UNC13C: variants seen among roughly 807,000 people sequenced by gnomAD.
The protein encoded by UNC13C is unc-13 homolog C.
A neutral mutation model predicts 245.4 loss-of-function variants in UNC13C; 174 were observed. That is an observed-to-expected ratio of 0.71 (90% CI 0.63 to 0.80). The LOEUF is 0.80. UNC13C is among the 30% of genes least tolerant of loss of function. The pLI, the probability that UNC13C is intolerant of heterozygous loss-of-function variation, is 0.00. For synonymous variants in UNC13C, 992 were observed against 895.1 expected (o/e 1.11, Z -1.93); for missense variants, 2,829 against 2,602.9 (o/e 1.09, Z -1.89).
intron 8 of UNC13C, among the ~76,000 whole-genome samples, chr15:54,253,252 G>A (rs1171846347): frequency 6.6e-6 from 1 of 152,186 alleles, no homozygotes; most frequent in Non-Finnish European, 1.5e-5. Context: ...TCAGTCAAGT[G>A]GAATTAGACC....
chr15:53,975,927 GTGT>G (rs1893680751), upstream of UNC13C, among the ~76,000 whole-genome samples: 1 of 152,184 alleles, frequency 6.6e-6, no homozygotes, highest in Non-Finnish European at 1.5e-5. Flanking sequence ...TTCTTATCCT[GTGT>G]TGTTTAATGT....
In UNC13C at chr15:54,336,494, T is replaced by A. The variant is rs186854941; in HGVS notation, c.4585-1867T>A. On this transcript the variant is annotated intron_variant, in intron 16 of 32. Coordinates refer to ENST00000260323, the MANE Select transcript of UNC13C (RefSeq NM_001080534.3). The stretch of plus-strand genomic sequence containing the variant: ...TTAATTTTGGTCTACTTTATCATTT[T>A]TTTTTTCTAATTATGGATAATGCTC... 4.5e-3 allele frequency among the ~76,000 whole-genome samples: 692 copies of A among 152,200 alleles called. 9 individuals carry two copies. Among genetic ancestry groups the A allele is most frequent in the East Asian group, 0.029 (149 of 5,182 alleles).
chr15:54,128,644 C>A (rs2141209565), intron 2 of UNC13C, among the ~76,000 whole-genome samples: 1 of 152,290 alleles, frequency 6.6e-6, no homozygotes, highest in African/African-American at 2.4e-5. Flanking sequence ...TTTGACATTT[C>A]TCTAGTGATT....
At chr15:54,272,163 A>G (rs1419073961) in intron 10 of UNC13C, among the ~76,000 whole-genome samples, 1 of 152,132 alleles carries the variant, frequency 6.6e-6, no homozygotes, top group Admixed American at 6.5e-5. Context: ...CTAAACTCAT[A>G]ATGCTGTAGT....
intron 18 of UNC13C, among the ~76,000 whole-genome samples, chr15:54,404,808 A>T (rs75478399): frequency 6.6e-6 from 1 of 152,146 alleles, no homozygotes; most frequent in Non-Finnish European, 1.5e-5. Context: ...ATTTGTAGTT[A>T]ATGTATGAAT....
chr15:54,349,052 T>C lies in UNC13C; in HGVS notation c.4713+10563T>C, dbSNP rs1161942643. 6.0e-5 allele frequency among the ~76,000 whole-genome samples: 9 copies of C among 150,290 alleles called. No homozygotes were observed. The South Asian group carries it at 1.7e-3, about 28-fold the overall frequency. On this transcript the variant is annotated intron_variant, in intron 17 of 32. Coordinates refer to ENST00000260323, the MANE Select transcript of UNC13C (RefSeq NM_001080534.3). ...GAGTAAATATAAGCATAACTTAGAG[T>C]TAATATGTTTATAATTTGATATATA...
intron 17 of UNC13C, among the ~76,000 whole-genome samples, chr15:54,358,904 C>G (rs2039162040): frequency 6.6e-6 from 1 of 151,908 alleles, no homozygotes; most frequent in Non-Finnish European, 1.5e-5. Flanking sequence ...AACTTAGAGA[C>G]AAATGCTCCC....
chr15:54,231,585 T>A (rs1298183324), intron 4 of UNC13C, among the ~76,000 whole-genome samples: 1 of 152,104 alleles, frequency 6.6e-6, no homozygotes, highest in Non-Finnish European at 1.5e-5. Context: ...TTAACATAAG[T>A]AAAGTGCTTA....
intron 13 of UNC13C, among the ~76,000 whole-genome samples, chr15:54,303,831 C>A (rs2037653334): frequency 6.6e-6 from 1 of 152,140 alleles, no homozygotes; most frequent in Non-Finnish European, 1.5e-5. Flanking sequence ...GGTCAACTCA[C>A]AGCAAGGAGG....
intron 4 of UNC13C, among the ~76,000 whole-genome samples, chr15:54,185,580 T>C (rs1262501408): frequency 1.3e-5 from 2 of 150,326 alleles, no homozygotes; most frequent in Non-Finnish European, 2.9e-5. Context: ...CAGATAGTTG[T>C]AGATATGTGG....
At chr15:54,497,837 C>T (rs1026596357) in intron 20 of UNC13C, among the ~76,000 whole-genome samples, 8 of 152,048 alleles carry the variant, frequency 5.3e-5, no homozygotes, top group African/African-American at 1.9e-4. Context: ...ACACTCTAGG[C>T]TTTCAGGTGA....
In UNC13C at chr15:54,294,138, C is replaced by T. The variant is rs376998343; in HGVS notation, c.3988+74C>T. ...AATACCTGTGGCATGTATTACATTC[C>T]CATATAAGTAAAAATAACCAATGCC... On this transcript the variant is annotated intron_variant, in intron 11 of 32. Transcript: ENST00000260323. 8.8e-5 allele frequency: 113 copies of T among 1,280,442 alleles called. 1 individual carries two copies. In the African/African-American group the frequency reaches 1.4e-3, roughly 16 times the overall value. 79.3% of individuals were successfully genotyped at this position (1,280,442 alleles called of 1,614,324 possible).
intron 10 of UNC13C, among the ~76,000 whole-genome samples, chr15:54,284,059 C>A (rs1476407178): frequency 6.6e-6 from 1 of 152,168 alleles, no homozygotes; most frequent in East Asian, 1.9e-4. Flanking sequence ...GTTGTATGAT[C>A]TTTTGTTCCT....
intron 4 of UNC13C, among the ~76,000 whole-genome samples, chr15:54,220,362 C>T (rs8036525): frequency 0.021 from 3,011 of 142,832 alleles, 105 homozygotes; most frequent in African/African-American, 0.066. Flanking sequence ...AACCAAACAG[C>T]GCATGTTCTC....
chr15:54,543,821 A>G (rs1039557614), intron 26 of UNC13C, among the ~76,000 whole-genome samples: 14 of 152,172 alleles, frequency 9.2e-5, no homozygotes, highest in African/African-American at 3.1e-4. Context: ...CCAACCAAAA[A>G]AAGCCCAGGA....
chr15:54,378,038 G>A (rs1483302466), intron 17 of UNC13C, among the ~76,000 whole-genome samples: 96 of 152,122 alleles, frequency 6.3e-4, no homozygotes, highest in Non-Finnish European at 5.9e-5. Context: ...CCTGAAAAAA[G>A]TGATGTTTTT....
intron 30 of UNC13C, among the ~76,000 whole-genome samples, chr15:54,588,943 A>G (rs1898627838): frequency 6.6e-6 from 1 of 152,196 alleles, no homozygotes; most frequent in Admixed American, 6.5e-5. Context: ...TGCTATAAAC[A>G]TGCATGTGCA....
intron 19 of UNC13C, among the ~76,000 whole-genome samples, chr15:54,448,202 T>C (rs1400279960): frequency 6.6e-6 from 1 of 152,216 alleles, no homozygotes; most frequent in Non-Finnish European, 1.5e-5. Flanking sequence ...AACTATGTGG[T>C]CAGTTTTGGA....
At chr15:53,844,862 A>G in the UNC13C span, among the ~76,000 whole-genome samples, 2 of 152,274 alleles carry the variant, frequency 1.3e-5, no homozygotes, top group Admixed American at 1.3e-4. Context: ...GTGAGAAGCC[A>G]TGCTAGAGGT....
Sources: allele counts gnomAD v4.1 joint callset (sites outside exome capture counted in the v4.1 genomes callset), GRCh38; gene constraint gnomAD v4.1.1; transcripts MANE v1.5; gene names NCBI Gene and HGNC (gene_info 2026-07-23, HGNC 2026-07-21).